The following NUP214 variants were observed in gnomAD, a reference collection of about 807,000 sequenced individuals.
The protein encoded by NUP214 is nucleoporin 214.
A neutral mutation model predicts 196.2 loss-of-function variants in NUP214; 79 were observed. The ratio of observed to expected loss-of-function variants is 0.40; its 90% CI spans 0.34 to 0.49. The LOEUF (loss-of-function observed/expected upper bound fraction) is 0.49, where lower values mean the gene tolerates loss of function less well. Ranked by LOEUF, NUP214 falls within the 20% of genes least tolerant of loss-of-function variation. NUP214 has a pLI of 0.58. For missense variants in NUP214, 2,468 were observed against 2,539.0 expected (o/e 0.97, Z 0.60); for synonymous variants, 1,020 against 990.5 (o/e 1.03, Z -0.56).
chr9:131,176,671 G>A (rs1268281990), intron 23 of NUP214, among the ~76,000 whole-genome samples: 2 of 152,120 alleles, frequency 1.3e-5, no homozygotes, highest in Non-Finnish European at 2.9e-5. Context: ...TTTTACAGAA[G>A]GAAGCGCTAA....
chr9:131,190,481 G>A (rs1833568117), intron 26 of NUP214: 1 of 694,772 alleles, frequency 1.4e-6, no homozygotes, highest in Admixed American at 2.1e-5. Flanking sequence ...CACTTGCCAG[G>A]TAATCAAGGT....
chr9:131,221,634 C>T (rs896129165), intron 31 of NUP214, among the ~76,000 whole-genome samples: 13 of 152,148 alleles, frequency 8.5e-5, no homozygotes. Context: ...TGCTTGTGAA[C>T]ACCTGACTGG....
intron 31 of NUP214, among the ~76,000 whole-genome samples, chr9:131,218,822 A>G (rs988085998): frequency 6.6e-6 from 1 of 152,152 alleles, no homozygotes; most frequent in African/African-American, 2.4e-5. Flanking sequence ...AGCTGGCCCC[A>G]AAGTACCTTT....
rs1270633097 is a variant in NUP214, at chr9:131,201,681, T to G, written c.5556T>G (p.Gly1852=). 14 of 1,614,138 alleles carry G rather than the reference T, an allele frequency of 8.7e-6. No individual in the cohort carries two copies. Among genetic ancestry groups the G allele is most frequent in the Admixed American group, 1.7e-5 (1 of 60,020 alleles). Residue 1852 remains glycine (G), a synonymous_variant, in exon 30 of 36, where the codon GGT becomes GGG. Transcript: ENST00000359428. ...FGSSNTGSVF[G]QAASTGGIVF... is the part of the protein sequence containing the mutation. ...CTAGTAATACTGGTTCTGTGTTTGG[T>G]CAAGCAGCCAGTACTGGTGGAATAG... is the stretch of plus-strand genomic sequence containing the variant.
At chr9:131,127,267 C>T (rs1831389310) in intron 1 of NUP214, among the ~76,000 whole-genome samples, 1 of 152,124 alleles carries the variant, frequency 6.6e-6, no homozygotes, top group East Asian at 1.9e-4. Context: ...CCTGTAATCC[C>T]AGCTACTTGG....
intron 24 of NUP214, among the ~76,000 whole-genome samples, chr9:131,180,763 A>G (rs1833253388): frequency 6.6e-6 from 1 of 152,198 alleles, no homozygotes; most frequent in Admixed American, 6.5e-5. Flanking sequence ...GTAGTTGAAT[A>G]AGACAAACCA....
At chr9:131,193,209 C>G (rs1344598191) in intron 27 of NUP214, among the ~76,000 whole-genome samples, 1 of 151,804 alleles carries the variant, frequency 6.6e-6, no homozygotes, top group African/African-American at 2.4e-5. Context: ...GCCCTGAGCG[C>G]TCATGTTGAA....
chr9:131,229,885 C>A, intron 33 of NUP214: 3 of 426,628 alleles, frequency 7.0e-6, no homozygotes, highest in Non-Finnish European at 1.4e-5. Context: ...GGGGTTGATT[C>A]TTGCCCCCAG....
Position 131,150,612 on chromosome 9 carries a change from A to G in NUP214, c.2128-4A>G. The G allele has an allele frequency of 6.2e-7, 1 of 1,610,292 alleles. No individual in the cohort carries two copies. The highest frequency in any genetic ancestry group is 8.5e-7 in the Non-Finnish European group (1 of 1,178,780). ...GAGTAGTTCCTCACTTGTGGCTTCT[A>G]CAGATTGCACACTTTCAGAAGGAGT... On this transcript the variant is annotated splice_region_variant and splice_polypyrimidine_tract_variant and intron_variant, in intron 15 of 35. Coordinates refer to ENST00000359428, the MANE Select transcript of NUP214 (RefSeq NM_005085.4).
At chr9:131,147,303 TA>T (rs904566284) in intron 13 of NUP214, among the ~76,000 whole-genome samples, 186 bp from the exon 14 acceptor site, 3 of 152,300 alleles carry the variant, frequency 2.0e-5, no homozygotes, top group African/African-American at 4.8e-5. Context: ...AATTTTAATA[TA>T]TTTTTTTCAT....
intron 21 of NUP214, chr9:131,164,366 AG>A: frequency 1.8e-6 from 1 of 547,748 alleles, no homozygotes. Flanking sequence ...TACTTGATGA[AG>A]CAGCAAAGTA....
chr9:131,227,110 A>T (rs1450430462), intron 32 of NUP214, among the ~76,000 whole-genome samples: 4 of 152,232 alleles, frequency 2.6e-5, no homozygotes, highest in African/African-American at 7.2e-5. Flanking sequence ...GAAGACACTC[A>T]CTGAGTGTCT....
At position 131,175,431 on chromosome 9, in the gene NUP214, C is replaced by T. The variant is rs375580533; in HGVS notation, c.3158-29C>T. On this transcript the variant is annotated intron_variant, in intron 22 of 35. Coordinates refer to ENST00000359428, the MANE Select transcript of NUP214 (RefSeq NM_005085.4). ...TTGTATTTTCCTGTTCTCTCACCCA[C>T]TCACACTTAATTTTTCTTTTCCTCT... The T allele has an allele frequency of 7.6e-5, 123 of 1,613,134 alleles. 1 individual carries two copies. In the African/African-American group the frequency reaches 1.6e-3, roughly 21 times the overall value.
chr9:131,180,242 G>C (rs958481119), intron 24 of NUP214, among the ~76,000 whole-genome samples: 1 of 152,184 alleles, frequency 6.6e-6, no homozygotes, highest in East Asian at 1.9e-4. Context: ...TCATGTGTAT[G>C]CCCAGCATGG....
rs928537496 is a variant in NUP214, at chr9:131,196,040, G to GC, written c.3721+747dup. On this transcript the variant is annotated intron_variant, in intron 28 of 35. Transcript: ENST00000359428. ...ACTCTGTGTGTCCCCCCCCCCCCCC[G>GC]CGCCAAAAAATCCATCAATAGCATG... Among the ~76,000 whole-genome samples, 8 of 5,962 alleles carry GC rather than the reference G, an allele frequency of 1.3e-3. 2 individuals are homozygous for GC. The highest frequency in any genetic ancestry group is 0.01 in the Admixed American group (5 of 478). The allele number at this position is 5,962 out of a possible 152,430, so 3.9% of individuals were successfully genotyped here.
Position 131,150,751 on chromosome 9 carries a change from A to G in NUP214, c.2263A>G (p.Lys755Glu). 6.2e-7 allele frequency: 1 copy of G among 1,611,374 alleles called. No individual in the cohort carries two copies. Among genetic ancestry groups the G allele is most frequent in the Non-Finnish European group, 8.5e-7 (1 of 1,179,280 alleles). ...CTTGCATACCTTTCTTTTGGAGATT[A>G]AAGAGACCACAGAGGTTTGTGTTTA... The part of the protein sequence containing the change: ...DDLHTFLLEI[K>E]ETTESLHGDI... The change falls in exon 16 of 36, where the codon AAA (lysine) becomes GAA (glutamate). Residue 755 changes from lysine (K) to glutamate (E), a missense_variant. By Grantham distance (56) the Lys-to-Glu change is moderately conservative. Transcript: ENST00000359428.
intron 21 of NUP214, 91 bp from the exon 22 acceptor site, chr9:131,173,964 G>T: frequency 7.7e-7 from 1 of 1,306,324 alleles, no homozygotes; most frequent in Non-Finnish European, 1.1e-6. Context: ...TACAAGTTGA[G>T]TATTTTTTTT....
chr9:131,152,418 T>A (rs770049118), intron 17 of NUP214, among the ~76,000 whole-genome samples: 35 of 152,114 alleles, frequency 2.3e-4, no homozygotes, highest in Non-Finnish European at 4.3e-4. Flanking sequence ...GCCAAAATTT[T>A]TTATTAAACC....
chr9:131,197,870 C>T lies in NUP214; in HGVS notation c.4376C>T (p.Thr1459Ile), dbSNP rs148107518. The change falls in exon 29 of 36, where the codon ACA becomes ATA. Residue 1459 changes from threonine (T) to isoleucine (I), a missense_variant. Physicochemically the swap from Thr to Ile is moderately conservative, Grantham distance 89. This residue lies in a region of NUP214 where 1,801 missense variants were observed against 1,779.4 expected (regional missense o/e 1.01). Transcript: ENST00000359428. The stretch of plus-strand genomic sequence containing the variant: ...CCCCCATCTGCCCCACCACCAACTA[C>T]AGCTGCCACTCCCCTTCCAACATCA... The part of the protein sequence containing the change: ...TVPPSAPPPT[T>I]AATPLPTSFP... 9 of 1,613,534 alleles carry T rather than the reference C, an allele frequency of 5.6e-6. No homozygotes were observed. The highest frequency in any genetic ancestry group is 5.0e-5 in the Admixed American group (3 of 59,998).
Sources: allele counts gnomAD v4.1 joint callset (sites outside exome capture counted in the v4.1 genomes callset), GRCh38; gene constraint gnomAD v4.1.1; regional missense constraint gnomAD v4.1.1; transcripts MANE v1.5; gene names NCBI Gene and HGNC (gene_info 2026-07-23, HGNC 2026-07-21).